PCBP1: variants seen among roughly 807,000 people sequenced by gnomAD.
PCBP1 encodes poly(rC) binding protein 1.
For missense variants in PCBP1, 244 were observed against 474.4 expected (o/e 0.51, Z 4.51); for synonymous variants, 284 against 195.8 (o/e 1.45, Z -3.76).
Position 70,088,009 on chromosome 2 carries a change from A to G in PCBP1, c.266A>G (p.Asn89Ser). 6.2e-7 allele frequency: 1 copy of G among 1,613,752 alleles called. No homozygotes were observed. The highest frequency in any genetic ancestry group is 8.5e-7 in the Non-Finnish European group (1 of 1,179,988). Residue 89 changes from asparagine to serine, a missense_variant, in exon 1 of 1, where the codon AAC (asparagine) becomes AGC (serine). By Grantham distance (46) the Asn-to-Ser change is conservative. Transcript: ENST00000303577. The surrounding 1 kb of genome is among the most constrained non-coding windows in gnomAD (Gnocchi z 4.5). The stretch of plus-strand genomic sequence containing the variant: ...GAAGATATCAACAGCTCCATGACCA[A>G]CAGTACCGCGGCCAGCAGGCCCCCG... Reference protein sequence around the residue: ...LEEDINSSMTNSTAASRPPVT... With the variant: ...LEEDINSSMTSSTAASRPPVT...
At position 70,088,292 on chromosome 2, in the gene PCBP1, C is replaced by T. The variant is rs759870611; in HGVS notation, c.549C>T (p.Tyr183=). ...SPQGRVMTIP[Y]QPMPASSPVI... ...AAGGGAGAGTCATGACCATTCCGTA[C>T]CAGCCCATGCCGGCCAGCTCCCCAG... Residue 183 remains tyrosine (Y), a synonymous_variant, in exon 1 of 1, where the codon TAC becomes TAT. Transcript: ENST00000303577. This position sits in a 1 kb window ranked among gnomAD's most constrained non-coding sequence, Gnocchi z 4.5. 16 of 1,613,726 alleles carry T rather than the reference C, an allele frequency of 9.9e-6. No homozygotes were observed. In the South Asian group the frequency reaches 1.6e-4, roughly 17 times the overall value.
At position 70,087,652 on chromosome 2, in the gene PCBP1, T is replaced by G; in HGVS notation, c.-92T>G. 1.2e-6 allele frequency: 1 copy of G among 816,628 alleles called. No homozygotes were observed. The highest frequency in any genetic ancestry group is 1.9e-6 in the Non-Finnish European group (1 of 532,748). 50.6% of individuals were successfully genotyped at this position (816,628 alleles called of 1,614,324 possible). On this transcript the variant is annotated 5_prime_UTR_variant, in exon 1 of 1. Coordinates refer to ENST00000303577, the MANE Select transcript of PCBP1 (RefSeq NM_006196.4). Reference sequence around the variant, plus strand: ...GCCCTCGCTCGCCTCGCGCCGGCAGTTTTGGGCCTACACCTCCCCTCCCCC... The same window carrying G: ...GCCCTCGCTCGCCTCGCGCCGGCAGGTTTGGGCCTACACCTCCCCTCCCCC...
In PCBP1 at chr2:70,087,663, C is replaced by A; in HGVS notation, c.-81C>A. On this transcript the variant is annotated 5_prime_UTR_variant, in exon 1 of 1. Transcript: ENST00000303577. ...CCTCGCGCCGGCAGTTTTGGGCCTACACCTCCCCTCCCCCCGCCAGCCGCC... is the reference window on the plus strand; with the variant it reads ...CCTCGCGCCGGCAGTTTTGGGCCTAAACCTCCCCTCCCCCCGCCAGCCGCC... The A allele has an allele frequency of 1.0e-6, 1 of 985,772 alleles. No individual in the cohort carries two copies. Among genetic ancestry groups the A allele is most frequent in the African/African-American group, 1.6e-5 (1 of 61,196 alleles). The allele number at this position is 985,772 out of a possible 1,614,324, so 61.1% of individuals were successfully genotyped here.
In PCBP1 at chr2:70,088,529, C is replaced by T. The variant is rs1370502024; in HGVS notation, c.786C>T (p.Ser262=). The change falls in exon 1 of 1, where the codon TCC becomes TCT. Residue 262 remains serine, a synonymous_variant. Transcript: ENST00000303577. The surrounding 1 kb of genome is among the most constrained non-coding windows in gnomAD (Gnocchi z 4.5). ...GGACCGGATTCGCCGGAATTGACTC[C>T]AGCTCTCCAGAGGTGAAAGGCTATT... ...HGGTGFAGID[S]SSPEVKGYWA... 6.2e-7 allele frequency: 1 copy of T among 1,614,160 alleles called. No individual in the cohort carries two copies. The highest frequency in any genetic ancestry group is 8.5e-7 in the Non-Finnish European group (1 of 1,180,066).
In PCBP1 at chr2:70,088,484, C is replaced by T; in HGVS notation, c.741C>T (p.His247=). ...KLNQVARQQS[H]FAMMHGGTGF... ...ACCAGGTGGCAAGACAACAGTCTCA[C>T]TTTGCCATGATGCACGGCGGGACCG... Residue 247 remains histidine, a synonymous_variant, in exon 1 of 1, where the codon CAC becomes CAT. Coordinates refer to ENST00000303577, the MANE Select transcript of PCBP1 (RefSeq NM_006196.4). This position sits in a 1 kb window ranked among gnomAD's most constrained non-coding sequence, Gnocchi z 4.5. 1.9e-6 allele frequency: 3 copies of T among 1,614,284 alleles called. No individual in the cohort carries two copies. The highest frequency in any genetic ancestry group is 2.5e-6 in the Non-Finnish European group (3 of 1,180,052).
chr2:70,087,939 A>G lies in PCBP1; in HGVS notation c.196A>G (p.Asn66Asp), dbSNP rs1671360301. The part of the protein sequence containing the change: ...ERIITLTGPT[N>D]AIFKAFAMII... The stretch of plus-strand genomic sequence containing the variant: ...AATCATCACTCTGACCGGCCCCACC[A>G]ATGCCATCTTTAAGGCTTTCGCTAT... The change falls in exon 1 of 1, where the codon AAT becomes GAT. Residue 66 changes from asparagine to aspartate, a missense_variant. Asn to Asp is a conservative substitution (Grantham distance 23). Coordinates refer to ENST00000303577, the MANE Select transcript of PCBP1 (RefSeq NM_006196.4). The G allele has an allele frequency of 1.9e-6, 3 of 1,612,222 alleles. No individual in the cohort carries two copies. The highest frequency in any genetic ancestry group is 1.3e-5 in the African/African-American group (1 of 74,840).
Position 70,088,849 on chromosome 2 carries a change from TGTTC to T in PCBP1, c.*36_*39del. ...GGTTCCCTCAATAACCCCTTTCTGC[TGTTC>T]TCCCATGATCCAACTGTGTAATTTC... On this transcript the variant is annotated 3_prime_UTR_variant, in exon 1 of 1. Transcript: ENST00000303577. This position sits in a 1 kb window ranked among gnomAD's most constrained non-coding sequence, Gnocchi z 4.5. The T allele has an allele frequency of 7.0e-7, 1 of 1,438,152 alleles. No homozygotes were observed. Among genetic ancestry groups the T allele is most frequent in the Non-Finnish European group, 9.6e-7 (1 of 1,044,548 alleles). 89.1% of individuals were successfully genotyped at this position (1,438,152 alleles called of 1,614,324 possible). A position where few individuals can be genotyped will look rare whatever the true frequency, so the allele number is the denominator to read the frequency against.
chr2:70,088,456 T>C lies in PCBP1; in HGVS notation c.713T>C (p.Leu238Pro). ...HTISPLDLAK[L>P]NQVARQQSHF... ...ATTTCTCCGCTCGATCTGGCCAAGC[T>C]GAACCAGGTGGCAAGACAACAGTCT... The change falls in exon 1 of 1, where the codon CTG becomes CCG. Residue 238 changes from leucine to proline, a missense_variant. Transcript: ENST00000303577. The surrounding 1 kb of genome is among the most constrained non-coding windows in gnomAD (Gnocchi z 4.5). 6.2e-7 allele frequency: 1 copy of C among 1,614,224 alleles called. No homozygotes were observed. Among genetic ancestry groups the C allele is most frequent in the Non-Finnish European group, 8.5e-7 (1 of 1,180,032 alleles).
Position 70,088,501 on chromosome 2 carries a change from G to T in PCBP1, c.758G>T (p.Gly253Val). 6.2e-7 allele frequency: 1 copy of T among 1,614,276 alleles called. No homozygotes were observed. Among genetic ancestry groups the T allele is most frequent in the Non-Finnish European group, 8.5e-7 (1 of 1,180,050 alleles). The part of the protein sequence containing the change: ...RQQSHFAMMH[G>V]GTGFAGIDSS... The stretch of plus-strand genomic sequence containing the variant: ...CAGTCTCACTTTGCCATGATGCACG[G>T]CGGGACCGGATTCGCCGGAATTGAC... Residue 253 changes from glycine (G) to valine (V), a missense_variant, in exon 1 of 1, where the codon GGC becomes GTC. Transcript: ENST00000303577. The surrounding 1 kb of genome is among the most constrained non-coding windows in gnomAD (Gnocchi z 4.5).
chr2:70,088,440 C>A lies in PCBP1; in HGVS notation c.697C>A (p.Leu233Ile). ...SIQGQHTISPLDLAKLNQVAR... is the reference protein window; with the variant it reads ...SIQGQHTISPIDLAKLNQVAR... ...TCAAGGACAACACACCATTTCTCCG[C>A]TCGATCTGGCCAAGCTGAACCAGGT... Residue 233 changes from leucine (L) to isoleucine (I), a missense_variant, in exon 1 of 1, where the codon CTC becomes ATC. Coordinates refer to ENST00000303577, the MANE Select transcript of PCBP1 (RefSeq NM_006196.4). The surrounding 1 kb of genome is among the most constrained non-coding windows in gnomAD (Gnocchi z 4.5). 6.2e-7 allele frequency: 1 copy of A among 1,614,226 alleles called. No homozygotes were observed. Among genetic ancestry groups the A allele is most frequent in the South Asian group, 1.1e-5 (1 of 91,092 alleles).
chr2:70,088,439 G>A lies in PCBP1; in HGVS notation c.696G>A (p.Pro232=), dbSNP rs747890504. The part of the protein sequence containing the change: ...YSIQGQHTIS[P]LDLAKLNQVA... ...TTCAAGGACAACACACCATTTCTCC[G>A]CTCGATCTGGCCAAGCTGAACCAGG... is the stretch of plus-strand genomic sequence containing the variant. Residue 232 remains proline, a synonymous_variant, in exon 1 of 1, where the codon CCG becomes CCA. Coordinates refer to ENST00000303577, the MANE Select transcript of PCBP1 (RefSeq NM_006196.4). The surrounding 1 kb of genome is among the most constrained non-coding windows in gnomAD (Gnocchi z 4.5). 2 of 1,614,158 alleles carry A rather than the reference G, an allele frequency of 1.2e-6. No individual in the cohort carries two copies. Among genetic ancestry groups the A allele is most frequent in the East Asian group, 2.2e-5 (1 of 44,888 alleles).
In PCBP1 at chr2:70,087,584, C is replaced by T. The variant is rs559731922; in HGVS notation, c.-160C>T. The T allele has an allele frequency of 6.9e-5, 20 of 288,862 alleles. No homozygotes were observed. The highest frequency in any genetic ancestry group is 2.0e-3 in the Middle Eastern group (2 of 1,008). The allele number at this position is 288,862 out of a possible 1,614,324, so 17.9% of individuals were successfully genotyped here. ...CCTCCGCCGCCGCCGCCCGCCCCTG[C>T]GACTACGCTGCGGCCTCCCGCCCGC... On this transcript the variant is annotated 5_prime_UTR_variant, in exon 1 of 1. Transcript: ENST00000303577.
chr2:70,087,731 C>G lies in PCBP1; in HGVS notation c.-13C>G, dbSNP rs1295586082. ...ACGAGCCCAACTCCCCCGAACGCCG[C>G]CCGCCGCTCGCCATGGATGCCGGTG... On this transcript the variant is annotated 5_prime_UTR_variant, in exon 1 of 1. Transcript: ENST00000303577. The G allele has an allele frequency of 6.6e-7, 1 of 1,523,350 alleles. No individual in the cohort carries two copies. 94.4% of individuals were successfully genotyped at this position (1,523,350 alleles called of 1,614,324 possible). A position where few individuals can be genotyped will look rare whatever the true frequency, so the allele number is the denominator to read the frequency against.
Position 70,088,693 on chromosome 2 carries a change from A to G in PCBP1, c.950A>G (p.Asn317Ser). The G allele has an allele frequency of 1.2e-6, 2 of 1,614,232 alleles. No homozygotes were observed. Among genetic ancestry groups the G allele is most frequent in the Non-Finnish European group, 1.7e-6 (2 of 1,180,038 alleles). ...QMSGAQIKIA[N>S]PVEGSSGRQV... Reference sequence around the variant, plus strand: ...TCCGGGGCCCAGATCAAAATTGCCAACCCAGTGGAAGGCTCCTCTGGTAGG... The same window carrying G: ...TCCGGGGCCCAGATCAAAATTGCCAGCCCAGTGGAAGGCTCCTCTGGTAGG... The change falls in exon 1 of 1, where the codon AAC becomes AGC. Residue 317 changes from asparagine to serine, a missense_variant. By Grantham distance (46) the Asn-to-Ser change is conservative. Transcript: ENST00000303577. This position sits in a 1 kb window ranked among gnomAD's most constrained non-coding sequence, Gnocchi z 4.5.
chr2:70,087,700 C>T lies in PCBP1; in HGVS notation c.-44C>T, dbSNP rs1275434981. The T allele has an allele frequency of 2.2e-6, 3 of 1,336,216 alleles. No homozygotes were observed. The highest frequency in any genetic ancestry group is 2.0e-4 in the Middle Eastern group (1 of 4,916). The allele number at this position is 1,336,216 out of a possible 1,614,324, so 82.8% of individuals were successfully genotyped here. Reference sequence around the variant, plus strand: ...CCCCGCCAGCCGCCAAAGACTTGACCACGTAACGAGCCCAACTCCCCCGAA... The same window carrying T: ...CCCCGCCAGCCGCCAAAGACTTGACTACGTAACGAGCCCAACTCCCCCGAA... On this transcript the variant is annotated 5_prime_UTR_variant, in exon 1 of 1. Coordinates refer to ENST00000303577, the MANE Select transcript of PCBP1 (RefSeq NM_006196.4).
Position 70,087,719 on chromosome 2 carries a change from C to T in PCBP1, c.-25C>T. The T allele has an allele frequency of 1.3e-6, 2 of 1,488,064 alleles. No individual in the cohort carries two copies. Among genetic ancestry groups the T allele is most frequent in the East Asian group, 2.3e-5 (1 of 43,760 alleles). 92.2% of individuals were successfully genotyped at this position (1,488,064 alleles called of 1,614,324 possible). On this transcript the variant is annotated 5_prime_UTR_variant, in exon 1 of 1. Coordinates refer to ENST00000303577, the MANE Select transcript of PCBP1 (RefSeq NM_006196.4). ...CTTGACCACGTAACGAGCCCAACTC[C>T]CCCGAACGCCGCCCGCCGCTCGCCA...
Position 70,088,919 on chromosome 2 carries a change from A to G in PCBP1, c.*105A>G. 1.3e-6 allele frequency: 1 copy of G among 773,848 alleles called. No homozygotes were observed. The highest frequency in any genetic ancestry group is 2.7e-5 in the East Asian group (1 of 37,186). 47.9% of individuals were successfully genotyped at this position (773,848 alleles called of 1,614,324 possible). A position where few individuals can be genotyped will look rare whatever the true frequency, so the allele number is the denominator to read the frequency against. ...GGTTTTAAATAATTTGTAAGTGTTC[A>G]GTTTCTACACAACTTTATCATCCGC... On this transcript the variant is annotated 3_prime_UTR_variant, in exon 1 of 1. Transcript: ENST00000303577. The surrounding 1 kb of genome is among the most constrained non-coding windows in gnomAD (Gnocchi z 4.5).
At position 70,088,455 on chromosome 2, in the gene PCBP1, C is replaced by A; in HGVS notation, c.712C>A (p.Leu238Met). 1 of 1,614,244 alleles carries A rather than the reference C, an allele frequency of 6.2e-7. No homozygotes were observed. ...CATTTCTCCGCTCGATCTGGCCAAG[C>A]TGAACCAGGTGGCAAGACAACAGTC... ...HTISPLDLAK[L>M]NQVARQQSHF... The change falls in exon 1 of 1, where the codon CTG becomes ATG. Residue 238 changes from leucine to methionine, a missense_variant. By Grantham distance (15) the Leu-to-Met change is conservative. Coordinates refer to ENST00000303577, the MANE Select transcript of PCBP1 (RefSeq NM_006196.4). The surrounding 1 kb of genome is among the most constrained non-coding windows in gnomAD (Gnocchi z 4.5).
At position 70,088,607 on chromosome 2, in the gene PCBP1, T is replaced by C; in HGVS notation, c.864T>C (p.Asn288=). 6.2e-7 allele frequency: 1 copy of C among 1,614,226 alleles called. No individual in the cohort carries two copies. ...CCACCCATGAACTCACCATTCCAAA[T>C]AACTTAATTGGCTGCATAATCGGGC... The part of the protein sequence containing the change: ...TQTTHELTIP[N]NLIGCIIGRQ... Residue 288 remains asparagine, a synonymous_variant, in exon 1 of 1, where the codon AAT becomes AAC. Coordinates refer to ENST00000303577, the MANE Select transcript of PCBP1 (RefSeq NM_006196.4). This position sits in a 1 kb window ranked among gnomAD's most constrained non-coding sequence, Gnocchi z 4.5.
Sources: gnomAD v4.1 joint callset for allele counts on GRCh38, gnomAD v4.1.1 for gene constraint, Gnocchi (gnomAD v3.1) non-coding constraint, MANE v1.5 for transcripts, NCBI Gene and HGNC (gene_info 2026-07-23, HGNC 2026-07-21) for gene names.